Variants in PCDH15 observed in about 807,000 individuals in gnomAD.
PCDH15 encodes protocadherin related 15.
A neutral mutation model predicts 178.5 loss-of-function variants in PCDH15; 129 were observed. That is an observed-to-expected ratio of 0.72 (90% CI 0.63 to 0.84). The LOEUF is 0.84. Ranked by LOEUF, PCDH15 falls within the 40% of genes least tolerant of loss-of-function variation. PCDH15 has a pLI of 0.00. For synonymous variants in PCDH15, 800 were observed against 732.0 expected (o/e 1.09, Z -1.50); for missense variants, 2,230 against 2,099.9 (o/e 1.06, Z -1.21).
intron 15 of PCDH15, among the ~76,000 whole-genome samples, chr10:54,114,712 T>C (rs1219386241): frequency 1.3e-5 from 2 of 152,272 alleles, no homozygotes; most frequent in East Asian, 3.9e-4. Flanking sequence ...CAAGGAAATG[T>C]AAGCAAAGTC....
intron 8 of PCDH15, among the ~76,000 whole-genome samples, chr10:54,251,528 C>T (rs1270990050): frequency 1.3e-5 from 2 of 152,158 alleles, no homozygotes; most frequent in Non-Finnish European, 2.9e-5. Flanking sequence ...CATGTAAGAG[C>T]ATACTATAAA....
rs1007069149 is a variant in PCDH15, at chr10:54,818,569, G to T, written c.-29+78881C>A. On this transcript the variant is annotated intron_variant, in intron 3 of 5. Transcript: ENST00000458638. ...AAATGCTCACTTAGAATCCTGAACT[G>T]CCATATAAGCAGTCTGACTACTGCC... Among the ~76,000 whole-genome samples the T allele has an allele frequency of 4.6e-5, 7 of 151,992 alleles. No homozygotes were observed. The East Asian group carries it at 1.4e-3, about 29-fold the overall frequency.
At chr10:55,231,204 T>A (rs1476402440) in intron 1 of PCDH15, among the ~76,000 whole-genome samples, 1 of 152,004 alleles carries the variant, frequency 6.6e-6, no homozygotes, top group Non-Finnish European at 1.5e-5. Flanking sequence ...AAAAATTGAA[T>A]CTGGATAATT....
chr10:54,970,128 T>C (rs1203024047), intron 2 of PCDH15, among the ~76,000 whole-genome samples: 1 of 152,182 alleles, frequency 6.6e-6, no homozygotes, highest in Non-Finnish European at 1.5e-5. Context: ...CTTTTGTCTT[T>C]CTGTCCCTTC....
chr10:55,048,805 C>A (rs1055332396), intron 2 of PCDH15, among the ~76,000 whole-genome samples: 4 of 151,794 alleles, frequency 2.6e-5, no homozygotes, highest in Non-Finnish European at 5.9e-5. Flanking sequence ...GTTTTTGGCA[C>A]AGCTTAATTT....
In PCDH15 at chr10:54,600,517, A is replaced by C. The variant is rs150390648; in HGVS notation, c.91+63655T>G. 437 of 576,316 alleles carry C rather than the reference A, an allele frequency of 7.6e-4. 6 individuals are homozygous for C. In the East Asian group the frequency reaches 0.019, roughly 25 times the overall value. 35.7% of individuals were successfully genotyped at this position (576,316 alleles called of 1,614,324 possible). A position where few individuals can be genotyped will look rare whatever the true frequency, so the allele number is the denominator to read the frequency against. On this transcript the variant is annotated intron_variant, in intron 2 of 37. Coordinates refer to ENST00000644397, the MANE Select transcript of PCDH15 (RefSeq NM_001384140.1). ...GGTGACCAAAATAGTAGAAAAAATC[A>C]CCAGTGAGAGGGAGATGGTGCTACC... is the stretch of plus-strand genomic sequence containing the variant.
intron 3 of PCDH15, among the ~76,000 whole-genome samples, chr10:54,473,865 T>A (rs745770755): frequency 2.6e-5 from 4 of 151,854 alleles, no homozygotes; most frequent in Non-Finnish European, 1.5e-5. Context: ...AGGTGATTAT[T>A]CCAAATTCCA....
intron 11 of PCDH15, 74 bp from the exon 12 acceptor site, chr10:54,185,342 T>C (rs2048394914): frequency 9.7e-6 from 15 of 1,554,128 alleles, no homozygotes; most frequent in Admixed American, 1.7e-5. Flanking sequence ...TAGAAGTTAA[T>C]GTTTGAAATT....
At chr10:55,607,799 G>C (rs1401670739) in intron 2 of PCDH15, among the ~76,000 whole-genome samples, 7 of 148,954 alleles carry the variant, frequency 4.7e-5, no homozygotes, top group South Asian at 2.2e-4. Context: ...CCTAATGCTA[G>C]ATGACAAGTT....
intron 1 of PCDH15, among the ~76,000 whole-genome samples, chr10:55,237,383 C>A (rs1841410968): frequency 6.6e-6 from 1 of 152,062 alleles, no homozygotes; most frequent in Admixed American, 6.5e-5. Context: ...CATATATTAT[C>A]TTTAAAACTA....
intron 3 of PCDH15, among the ~76,000 whole-genome samples, chr10:54,414,871 C>A (rs1589279613): frequency 1.3e-5 from 2 of 151,942 alleles, no homozygotes; most frequent in Admixed American, 6.6e-5. Flanking sequence ...GAATTAAAAT[C>A]ATACTAGAGT....
At chr10:53,940,723 T>C (rs376940522) in intron 24 of PCDH15, 143 bp downstream of exon 24, 1 of 693,348 alleles carries the variant, frequency 1.4e-6, no homozygotes, top group Admixed American at 2.1e-5. Flanking sequence ...GAGTTCAGGA[T>C]ACATGGTTAA....
chr10:55,194,358 C>T (rs1163108383), intron 1 of PCDH15, among the ~76,000 whole-genome samples: 1 of 152,014 alleles, frequency 6.6e-6, no homozygotes, highest in East Asian at 1.9e-4. Context: ...GTATACCAAG[C>T]TGTTTGAAGT....
intron 2 of PCDH15, among the ~76,000 whole-genome samples, chr10:55,420,957 A>C (rs1335316846): frequency 6.6e-6 from 1 of 151,770 alleles, no homozygotes; most frequent in Non-Finnish European, 1.5e-5. Flanking sequence ...CAAACAGGAC[A>C]AAAGACTGTT....
chr10:54,632,623 T>C (rs1469949061), intron 2 of PCDH15, among the ~76,000 whole-genome samples: 1 of 152,104 alleles, frequency 6.6e-6, no homozygotes, highest in East Asian at 1.9e-4. Flanking sequence ...TAATTAACAA[T>C]ATTTATAACT....
chr10:53,949,749 A>G (rs569840887), intron 23 of PCDH15, among the ~76,000 whole-genome samples: 2 of 152,212 alleles, frequency 1.3e-5, no homozygotes, highest in Non-Finnish European at 2.9e-5. Context: ...AATGATGGCT[A>G]TGTTCCTCAA....
intron 2 of PCDH15, among the ~76,000 whole-genome samples, chr10:54,652,947 A>G (rs533526115): frequency 5.3e-5 from 8 of 152,338 alleles, no homozygotes; most frequent in Non-Finnish European, 1.2e-4. Context: ...ACCTCCTAAC[A>G]AAAATCTTGT....
intron 2 of PCDH15, among the ~76,000 whole-genome samples, chr10:55,460,841 G>A (rs765285572): frequency 6.6e-6 from 1 of 151,916 alleles, no homozygotes; most frequent in African/African-American, 2.4e-5. Context: ...AATCCACTTG[G>A]GCTTTGTTCT....
In PCDH15 at chr10:54,469,160, G is replaced by A. The variant is rs185462352; in HGVS notation, c.157+58652C>T. 1.1e-4 allele frequency among the ~76,000 whole-genome samples: 16 copies of A among 152,206 alleles called. No individual in the cohort carries two copies. The East Asian group carries it at 2.7e-3, about 26-fold the overall frequency. ...TGCCCAGTTTGGACTGCAGTGGCAC[G>A]ATCTCTGCTCACTGCAAATTCCACC... On this transcript the variant is annotated intron_variant, in intron 3 of 37. Transcript: ENST00000644397.
Sources: allele counts gnomAD v4.1 joint callset (sites outside exome capture counted in the v4.1 genomes callset), GRCh38; gene constraint gnomAD v4.1.1; transcripts MANE v1.5; gene names NCBI Gene and HGNC (gene_info 2026-07-23, HGNC 2026-07-21).